The following TAFA4 variants were observed in gnomAD, a reference collection of about 807,000 sequenced individuals.
TAFA4 encodes chemokine-like protein TAFA-4.
TAFA4 carries 20 observed loss-of-function variants against 21.1 expected under a neutral mutation model. The ratio of observed to expected loss-of-function variants is 0.95; its 90% CI spans 0.67 to 1.38. The LOEUF (loss-of-function observed/expected upper bound fraction) is 1.38, where lower values mean the gene tolerates loss of function less well. Among genes scored for constraint, TAFA4 ranks in the 40% most tolerant of loss-of-function variants. TAFA4 has a pLI of 0.00. For synonymous variants in TAFA4, 71 were observed against 67.4 expected (o/e 1.05, Z -0.26); for missense variants, 211 against 180.9 (o/e 1.17, Z -0.95).
rs78919887 is a variant in TAFA4 at position 68,772,269 on chromosome 3, A to C, written c.131-19251T>G. ...AATATTAAGGCATGTGTGACGGTTA[A>C]TTTCAGGTGTCAACTGGATATTAAG... On this transcript the variant is annotated intron_variant, in intron 3 of 5. Transcript: ENST00000295569. Among the ~76,000 whole-genome samples, 252 of 152,304 alleles carry C rather than the reference A, an allele frequency of 1.7e-3. 2 individuals are homozygous for C. In the East Asian group the frequency reaches 0.04, roughly 24 times the overall value.
intron 3 of TAFA4, among the ~76,000 whole-genome samples, chr3:68,845,510 C>A (rs1393444166): frequency 6.6e-6 from 1 of 152,078 alleles, no homozygotes; most frequent in Non-Finnish European, 1.5e-5. Context: ...GGCCTTTAGC[C>A]CATTTACATT....
At chr3:68,734,528 G>C (rs1245446171) in intron 5 of TAFA4, among the ~76,000 whole-genome samples, 4 of 152,092 alleles carry the variant, frequency 2.6e-5, no homozygotes, top group African/African-American at 4.8e-5. Flanking sequence ...TCAAGGAAGA[G>C]ATGAGGAATG....
At chr3:68,869,252 G>A (rs2089454675) in intron 3 of TAFA4, among the ~76,000 whole-genome samples, 1 of 151,970 alleles carries the variant, frequency 6.6e-6, no homozygotes, top group Non-Finnish European at 1.5e-5. Context: ...AGGACATGAT[G>A]GCTTCACTGC....
intron 3 of TAFA4, among the ~76,000 whole-genome samples, chr3:68,829,877 T>C (rs928910481): frequency 2.0e-5 from 3 of 152,180 alleles, no homozygotes; most frequent in African/African-American, 7.2e-5. Flanking sequence ...CTGTTGTTGG[T>C]CTATTCAGAG....
intron 1 of TAFA4, among the ~76,000 whole-genome samples, chr3:68,890,594 T>G (rs1000928095): frequency 1.3e-5 from 2 of 152,196 alleles, no homozygotes; most frequent in Non-Finnish European, 2.9e-5. Context: ...AAAGAAGGAT[T>G]TATTTACATC....
chr3:68,896,197 T>C (rs1470570366), intron 1 of TAFA4, among the ~76,000 whole-genome samples: 5 of 152,152 alleles, frequency 3.3e-5, no homozygotes. Context: ...CAGAAGCTTG[T>C]AGGCCATAGT....
intron 3 of TAFA4, among the ~76,000 whole-genome samples, chr3:68,777,372 G>A (rs1266681064): frequency 6.6e-6 from 1 of 152,034 alleles, no homozygotes; most frequent in Non-Finnish European, 1.5e-5. Flanking sequence ...AGATAAAAAT[G>A]TGCCATATTT....
At chr3:68,847,461 G>C (rs952652548) in intron 3 of TAFA4, among the ~76,000 whole-genome samples, 1 of 152,232 alleles carries the variant, frequency 6.6e-6, no homozygotes, top group Non-Finnish European at 1.5e-5. Flanking sequence ...GGCTCTGTCG[G>C]GGTGGGATCC....
At chr3:68,777,471 C>T (rs1218025755) in intron 3 of TAFA4, among the ~76,000 whole-genome samples, 1 of 152,002 alleles carries the variant, frequency 6.6e-6, no homozygotes, top group Non-Finnish European at 1.5e-5. Context: ...AAATTTCAAG[C>T]ATTTAACTGT....
intron 3 of TAFA4, among the ~76,000 whole-genome samples, chr3:68,858,675 T>TGTTGTC (rs1705127837): frequency 6.6e-6 from 1 of 151,520 alleles, no homozygotes; most frequent in South Asian, 2.1e-4. Flanking sequence ...GTAGGTACAC[T>TGTTGTC]GTTGTCCCCT....
rs748497127 is a variant in TAFA4, at chr3:68,733,149, G to A, written c.416C>T (p.Thr139Met). The A allele has an allele frequency of 9.9e-5, 159 of 1,612,562 alleles. No homozygotes were observed. The highest frequency in any genetic ancestry group is 1.3e-4 in the Admixed American group (8 of 59,900). The change falls in exon 6 of 6, where the codon ACG becomes ATG. Residue 139 changes from threonine (T) to methionine (M), a missense_variant. Thr to Met is a moderately conservative substitution (Grantham distance 81). Transcript: ENST00000295569. ...AGCACACCTCTCTCTTCGCTACCGC[G>A]TTACCTAAAACAAATCAAAATAAGG... ...SGNKVKTTKV[T>M]R is the part of the protein sequence containing the mutation.
At chr3:68,862,360 T>C (rs907075415) in intron 3 of TAFA4, among the ~76,000 whole-genome samples, 2 of 152,148 alleles carry the variant, frequency 1.3e-5, no homozygotes, top group African/African-American at 4.8e-5. Context: ...GTTAAGAATC[T>C]AAGCAATTTA....
chr3:68,842,947 G>A (rs1035161037), intron 3 of TAFA4, among the ~76,000 whole-genome samples: 43 of 152,238 alleles, frequency 2.8e-4, no homozygotes, highest in African/African-American at 1.0e-3. Flanking sequence ...GCCTTGGAGT[G>A]TAGTTTGAAG....
Position 68,757,634 on chromosome 3 carries a change from C to T in TAFA4, c.131-4616G>A, listed in dbSNP as rs999083238. Among the ~76,000 whole-genome samples, 3 of 152,174 alleles carry T rather than the reference C, an allele frequency of 2.0e-5. 1 individual carries two copies. The South Asian group carries it at 6.2e-4, about 31-fold the overall frequency. On this transcript the variant is annotated intron_variant, in intron 3 of 5. Transcript: ENST00000295569. ...GTTGCTATATAACCATCCACAAGTA[C>T]AAATGGATTATTTTCCATTCAAACT...
intron 3 of TAFA4, among the ~76,000 whole-genome samples, chr3:68,843,114 T>C (rs1217393458): frequency 1.3e-5 from 2 of 152,222 alleles, no homozygotes; most frequent in Non-Finnish European, 2.9e-5. Flanking sequence ...GAATCTATAA[T>C]TACTTTGGGC....
intron 3 of TAFA4, among the ~76,000 whole-genome samples, chr3:68,819,951 T>G (rs1008655929): frequency 1.3e-5 from 2 of 152,128 alleles, no homozygotes; most frequent in African/African-American, 4.8e-5. Flanking sequence ...CCAAAGAATA[T>G]GAAACCAGTA....
intron 1 of TAFA4, among the ~76,000 whole-genome samples, chr3:68,909,824 G>A (rs1323320847): frequency 1.3e-5 from 2 of 152,210 alleles, no homozygotes; most frequent in Non-Finnish European, 2.9e-5. Flanking sequence ...CTTTGGGTCG[G>A]AAGCCTGCGT....
At chr3:68,824,963 G>A (rs1704194808) in intron 3 of TAFA4, among the ~76,000 whole-genome samples, 1 of 152,126 alleles carries the variant, frequency 6.6e-6, no homozygotes, top group Admixed American at 6.5e-5. Flanking sequence ...TGGGTGCAAA[G>A]TTTAATGCTT....
intron 3 of TAFA4, among the ~76,000 whole-genome samples, chr3:68,756,859 T>C (rs114213800): frequency 0.011 from 1,604 of 152,330 alleles, 30 homozygotes; most frequent in African/African-American, 0.037. Flanking sequence ...GTAATTATAA[T>C]GTCAGTAAAG....
Sources: allele counts gnomAD v4.1 joint callset (sites outside exome capture counted in the v4.1 genomes callset), GRCh38; gene constraint gnomAD v4.1.1; transcripts MANE v1.5; gene names NCBI Gene and HGNC (gene_info 2026-07-23, HGNC 2026-07-21).